BRIP1: variants seen among roughly 807,000 people sequenced by gnomAD.
The protein encoded by BRIP1 is Fanconi anemia group J protein.
BRIP1 carries 88 observed loss-of-function variants against 119.7 expected under a neutral mutation model. The observed-to-expected ratio is 0.74, with a 90% CI of 0.62 to 0.88. The LOEUF (loss-of-function observed/expected upper bound fraction) is 0.88. BRIP1 is among the 40% of genes least tolerant of loss of function. The pLI is 0.00. For synonymous variants in BRIP1, 443 were observed against 496.5 expected (o/e 0.89, Z 1.43); for missense variants, 1,259 against 1,455.4 (o/e 0.87, Z 2.20).
At chr17:61,859,957 G>A (rs781053792) in intron 2 of BRIP1, 50 bp from the exon 3 acceptor site, 2 of 1,288,668 alleles carry the variant, frequency 1.6e-6, no homozygotes, top group African/African-American at 2.9e-5. Flanking sequence ...ACTTTATAAA[G>A]GTCTCTCTCC....
intron 1 of BRIP1, 123 bp downstream of exon 1, chr17:61,863,161 G>A: frequency 6.6e-6 from 1 of 152,236 alleles, no homozygotes; most frequent in Non-Finnish European, 1.5e-5. Flanking sequence ...TTTCTGCCCC[G>A]TATCTCCCTC....
chr17:61,687,250 T>A lies in BRIP1; in HGVS notation c.2576-1085A>T. ...GTAAGACCTGTCTCTAAAAAAGAAA[T>A]AAGTAAATAAAAATAAGAATTTTAG... On this transcript the variant is annotated intron_variant, in intron 18 of 19. Transcript: ENST00000259008. The surrounding 1 kb of genome is among the most constrained non-coding windows in gnomAD (Gnocchi z 5.1). Among the ~76,000 whole-genome samples the A allele has an allele frequency of 6.6e-6, 1 of 151,988 alleles. No individual in the cohort carries two copies. Among genetic ancestry groups the A allele is most frequent in the East Asian group, 1.9e-4 (1 of 5,186 alleles).
In BRIP1 at chr17:61,857,695, G is replaced by A. The variant is rs1418158967; in HGVS notation, c.206-464C>T. ...GCAGAGGTCATGCCACTGCACTCCA[G>A]CCTAGGCGACAGAGCAAGACTCTGT... On this transcript the variant is annotated intron_variant, in intron 3 of 19. Transcript: ENST00000259008. The surrounding 1 kb of genome is among the most constrained non-coding windows in gnomAD (Gnocchi z 5.1). 2.6e-5 allele frequency among the ~76,000 whole-genome samples: 4 copies of A among 152,176 alleles called. No homozygotes were observed. The highest frequency in any genetic ancestry group is 9.7e-5 in the African/African-American group (4 of 41,436).
rs2061676862 is a variant in BRIP1, at chr17:61,705,339, C to T, written c.2492+10612G>A. 6.6e-6 allele frequency among the ~76,000 whole-genome samples: 1 copy of T among 152,042 alleles called. No homozygotes were observed. The highest frequency in any genetic ancestry group is 1.5e-5 in the Non-Finnish European group (1 of 67,992). Reference sequence around the variant, plus strand: ...ACCACATTTTCTTTATCTAGTCCACCGTTGATAGGTATTTGAGTTGCTTCT... The same window carrying T: ...ACCACATTTTCTTTATCTAGTCCACTGTTGATAGGTATTTGAGTTGCTTCT... On this transcript the variant is annotated intron_variant, in intron 17 of 19. Coordinates refer to ENST00000259008, the MANE Select transcript of BRIP1 (RefSeq NM_032043.3). The surrounding 1 kb of genome is among the most constrained non-coding windows in gnomAD (Gnocchi z 5.0).
intron 4 of BRIP1, among the ~76,000 whole-genome samples, chr17:61,850,766 T>C (rs1386430182): frequency 1.3e-5 from 2 of 151,530 alleles, no homozygotes; most frequent in Non-Finnish European, 2.9e-5. Context: ...AGGCAGAGGT[T>C]GCAGTGAGCT....
rs552843004 is a variant in BRIP1, at chr17:61,759,286, A to G, written c.2098-14695T>C. Among the ~76,000 whole-genome samples, 17 of 152,242 alleles carry G rather than the reference A, an allele frequency of 1.1e-4. No individual in the cohort carries two copies. Among genetic ancestry groups the G allele is most frequent in the Non-Finnish European group, 2.5e-4 (17 of 67,992 alleles). ...AGAGTGGGGTTATCTATACTTACAT[A>G]AGACAAAATAGACTAAGTCAAATAC... On this transcript the variant is annotated intron_variant, in intron 14 of 19. Transcript: ENST00000259008. The surrounding 1 kb of genome is among the most constrained non-coding windows in gnomAD (Gnocchi z 4.9).
At position 61,796,792 on chromosome 17, in the gene BRIP1, T is replaced by G. The variant is rs958351868; in HGVS notation, c.1340+2308A>C. Among the ~76,000 whole-genome samples, 1 of 152,070 alleles carries G rather than the reference T, an allele frequency of 6.6e-6. No homozygotes were observed. Among genetic ancestry groups the G allele is most frequent in the African/African-American group, 2.4e-5 (1 of 41,426 alleles). ...GAGACCTGTTAGGAGGTTGTTATAATATCCTTGTTGAGAGAAGACTGTAGG... is the reference window on the plus strand; with the variant it reads ...GAGACCTGTTAGGAGGTTGTTATAAGATCCTTGTTGAGAGAAGACTGTAGG... On this transcript the variant is annotated intron_variant, in intron 9 of 19. Coordinates refer to ENST00000259008, the MANE Select transcript of BRIP1 (RefSeq NM_032043.3). This position sits in a 1 kb window ranked among gnomAD's most constrained non-coding sequence, Gnocchi z 4.8.
chr17:61,812,287 C>CA (rs1369400829), intron 6 of BRIP1, among the ~76,000 whole-genome samples: 1 of 152,064 alleles, frequency 6.6e-6, no homozygotes, highest in African/African-American at 2.4e-5. Flanking sequence ...AACAAATGAT[C>CA]ATGTTTATCT....
chr17:61,733,688 A>C (rs186808807), intron 16 of BRIP1, among the ~76,000 whole-genome samples: 2 of 151,686 alleles, frequency 1.3e-5, no homozygotes, highest in Admixed American at 6.6e-5. Context: ...TTTCCTAAAC[A>C]AAAAAAGGAA....
intron 3 of BRIP1, among the ~76,000 whole-genome samples, chr17:61,858,597 T>C (rs2078931731): frequency 6.6e-6 from 1 of 152,124 alleles, no homozygotes; most frequent in South Asian, 2.1e-4. Context: ...GGTCTCAAAC[T>C]TCCAACCTCA....
At chr17:61,765,458 C>T (rs1451622442) in intron 14 of BRIP1, among the ~76,000 whole-genome samples, 2 of 34,606 alleles carry the variant, frequency 5.8e-5, no homozygotes, top group Non-Finnish European at 9.6e-5. Context: ...TTTTTTGAGA[C>T]AGAGTTTCAC....
rs569535272 is a variant in BRIP1 at position 61,683,206 on chromosome 17, C to T, written c.*90G>A. 6.1e-5 allele frequency: 84 copies of T among 1,371,192 alleles called. No homozygotes were observed. The highest frequency in any genetic ancestry group is 7.9e-5 in the Non-Finnish European group (78 of 988,016). The allele number at this position is 1,371,192 out of a possible 1,614,324, so 84.9% of individuals were successfully genotyped here. A position where few individuals can be genotyped will look rare whatever the true frequency, so the allele number is the denominator to read the frequency against. ...ATAAAATAGTTTTTTAAAAAGTATGCCACTTATTCAATTTACAAATTATTA... is the reference window on the plus strand; with the variant it reads ...ATAAAATAGTTTTTTAAAAAGTATGTCACTTATTCAATTTACAAATTATTA... On this transcript the variant is annotated 3_prime_UTR_variant, in exon 20 of 20. Coordinates refer to ENST00000259008, the MANE Select transcript of BRIP1 (RefSeq NM_032043.3). This position sits in a 1 kb window ranked among gnomAD's most constrained non-coding sequence, Gnocchi z 4.7.
intron 14 of BRIP1, among the ~76,000 whole-genome samples, chr17:61,764,366 C>T (rs561660514): frequency 6.6e-6 from 1 of 152,314 alleles, no homozygotes; most frequent in Admixed American, 6.5e-5. Context: ...TCAACTCTCT[C>T]CCCTTGCCTC....
chr17:61,736,846 TAAAG>T lies in BRIP1; in HGVS notation c.2379+6163_2379+6166del, dbSNP rs1449971116. Reference sequence around the variant, plus strand: ...ACTAAATATGTGCTTTAGGAAATAATAAAGGACACTGGTAAAGGTAACTGCAGGT... The same window carrying T: ...ACTAAATATGTGCTTTAGGAAATAATGACACTGGTAAAGGTAACTGCAGGT... On this transcript the variant is annotated intron_variant, in intron 16 of 19. Transcript: ENST00000259008. This position sits in a 1 kb window ranked among gnomAD's most constrained non-coding sequence, Gnocchi z 4.4. Among the ~76,000 whole-genome samples, 4 of 152,146 alleles carry T rather than the reference TAAAG, an allele frequency of 2.6e-5. No individual in the cohort carries two copies. The highest frequency in any genetic ancestry group is 4.4e-5 in the Non-Finnish European group (3 of 68,004).
intron 6 of BRIP1, among the ~76,000 whole-genome samples, chr17:61,837,356 G>A (rs8076746): frequency 0.19 from 28,722 of 152,082 alleles, 3,141 homozygotes; most frequent in Admixed American, 0.3. Flanking sequence ...GAAAAAGGAA[G>A]AAAAATAGCC....
chr17:61,779,495 C>T (rs1037249245), intron 13 of BRIP1, among the ~76,000 whole-genome samples: 1 of 152,090 alleles, frequency 6.6e-6, no homozygotes, highest in Non-Finnish European at 1.5e-5. Flanking sequence ...TGGCATACAC[C>T]CATAATCCCA....
At chr17:61,781,058 C>A (rs2145099712) in intron 11 of BRIP1, 53 bp from the exon 12 acceptor site, 1 of 1,543,332 alleles carries the variant, frequency 6.5e-7, no homozygotes. Flanking sequence ...AACCTATGAC[C>A]CAGCTACATA....
chr17:61,841,784 C>G lies in BRIP1; in HGVS notation c.627+5317G>C, dbSNP rs1567862661. On this transcript the variant is annotated intron_variant, in intron 6 of 19. Transcript: ENST00000259008. The surrounding 1 kb of genome is among the most constrained non-coding windows in gnomAD (Gnocchi z 4.1). ...TCTGAAACTCCTAGAGTCAAGTGAT[C>G]GCCCATGCCTCAGCCTCCCAAGTAG... 6.6e-6 allele frequency among the ~76,000 whole-genome samples: 1 copy of G among 152,088 alleles called. No homozygotes were observed. Among genetic ancestry groups the G allele is most frequent in the Non-Finnish European group, 1.5e-5 (1 of 68,028 alleles).
rs1221573763 is a variant in BRIP1 at position 61,751,601 on chromosome 17, A to T, written c.2098-7010T>A. Reference sequence around the variant, plus strand: ...ACATATTAACCAGGATGAATCATAAACTTCTAGATGTTGAGTAAAAAATGC... The same window carrying T: ...ACATATTAACCAGGATGAATCATAATCTTCTAGATGTTGAGTAAAAAATGC... On this transcript the variant is annotated intron_variant, in intron 14 of 19. Coordinates refer to ENST00000259008, the MANE Select transcript of BRIP1 (RefSeq NM_032043.3). The surrounding 1 kb of genome is among the most constrained non-coding windows in gnomAD (Gnocchi z 6.7). Among the ~76,000 whole-genome samples, 1 of 152,222 alleles carries T rather than the reference A, an allele frequency of 6.6e-6. No homozygotes were observed. The highest frequency in any genetic ancestry group is 1.9e-4 in the East Asian group (1 of 5,206).
Sources: gnomAD v4.1 joint callset for allele counts (sites outside exome capture counted in the v4.1 genomes callset) on GRCh38, gnomAD v4.1.1 for gene constraint, Gnocchi (gnomAD v3.1) non-coding constraint, MANE v1.5 for transcripts, NCBI Gene and HGNC (gene_info 2026-07-23, HGNC 2026-07-21) for gene names.